ZFP64: variants seen among roughly 807,000 people sequenced by gnomAD.
ZFP64 encodes zinc finger protein 64.
Under a neutral mutation model 51.6 loss-of-function variants are expected in ZFP64, and 14 were observed. That is an observed-to-expected ratio of 0.27 (90% CI 0.18 to 0.42). The LOEUF (loss-of-function observed/expected upper bound fraction) is 0.42, where lower values mean the gene tolerates loss of function less well. Among genes scored for constraint, ZFP64 ranks in the 10% least tolerant of loss-of-function variants. The pLI, the probability that ZFP64 is intolerant of heterozygous loss-of-function variation, is 1.00. For synonymous variants in ZFP64, 375 were observed against 361.4 expected, an observed-to-expected ratio of 1.04 and a Z score of -0.43; for missense variants, 754 against 906.8, an observed-to-expected ratio of 0.83 and a Z score of 2.16.
intron 5 of ZFP64, among the ~76,000 whole-genome samples, chr20:52,101,286 C>T (rs1055916082): frequency 6.6e-6 from 1 of 152,142 alleles, no homozygotes; most frequent in South Asian, 2.1e-4. Context: ...AGTGTAGTTT[C>T]CCAGGCCTTA....
At chr20:52,188,768 C>G (rs1017751612) in intron 1 of ZFP64, among the ~76,000 whole-genome samples, 1 of 151,590 alleles carries the variant, frequency 6.6e-6, no homozygotes, top group African/African-American at 2.4e-5. Flanking sequence ...GTCAGGAGAG[C>G]GAGACCATCC....
intron 5 of ZFP64, among the ~76,000 whole-genome samples, chr20:52,156,405 G>T (rs924712191): frequency 2.6e-5 from 4 of 152,148 alleles, no homozygotes; most frequent in Non-Finnish European, 5.9e-5. Flanking sequence ...TTACACCTCG[G>T]TCATGACCAT....
intron 5 of ZFP64, chr20:52,111,144 C>T (rs926236792): frequency 1.4e-6 from 1 of 705,392 alleles, no homozygotes; most frequent in Non-Finnish European, 2.6e-6. Flanking sequence ...CGCCGGGTTC[C>T]GCGACGGGGA....
In ZFP64 at chr20:52,141,041, C is replaced by T. The variant is rs142693836; in HGVS notation, c.763+19082G>A. Among the ~76,000 whole-genome samples the T allele has an allele frequency of 3.7e-3, 560 of 152,256 alleles. 4 individuals carry two copies. The highest frequency in any genetic ancestry group is 0.013 in the African/African-American group (523 of 41,544). ...GGCTGGATGACAGCACCTCTGTTTA[C>T]GGCATGGTTTACTGAATATTTAAAG... is the stretch of plus-strand genomic sequence containing the variant. On this transcript the variant is annotated intron_variant, in intron 5 of 8. Transcript: ENST00000361387.
At chr20:52,112,094 A>AAC (rs1568952855) in intron 5 of ZFP64, among the ~76,000 whole-genome samples, 1 of 138,282 alleles carries the variant, frequency 7.2e-6, no homozygotes, top group Non-Finnish European at 1.6e-5. Flanking sequence ...AAAAAAAAAA[A>AAC]AAAAAACAAA....
chr20:52,167,199 C>G (rs1370639333), intron 2 of ZFP64, among the ~76,000 whole-genome samples: 2 of 151,754 alleles, frequency 1.3e-5, no homozygotes, highest in Admixed American at 1.3e-4. Context: ...GTGGCGGGCA[C>G]CTGAAATCTC....
chr20:52,106,707 T>C (rs2050276882), intron 5 of ZFP64, among the ~76,000 whole-genome samples: 2 of 152,230 alleles, frequency 1.3e-5, no homozygotes, highest in Admixed American at 1.3e-4. Context: ...CATGTCAGGT[T>C]AAATTTCCGA....
chr20:52,177,570 C>T (rs1321630954), intron 2 of ZFP64, among the ~76,000 whole-genome samples: 2 of 152,062 alleles, frequency 1.3e-5, no homozygotes, highest in Non-Finnish European at 2.9e-5. Context: ...CGCCACCATG[C>T]GGCCATGCGG....
chr20:52,148,591 C>T (rs1449393882), downstream of ZFP64, among the ~76,000 whole-genome samples: 4 of 152,100 alleles, frequency 2.6e-5, no homozygotes, highest in East Asian at 3.9e-4. Flanking sequence ...ATCCCAGCTA[C>T]GTGGGAGGCT....
intron 5 of ZFP64, chr20:52,110,774 G>A: frequency 6.3e-7 from 1 of 1,592,784 alleles, no homozygotes; most frequent in African/African-American, 1.3e-5. Context: ...TCCCGGGAGA[G>A]GTAGAAGACT....
downstream of ZFP64, among the ~76,000 whole-genome samples, chr20:52,147,170 A>G (rs1980568100): frequency 6.6e-6 from 1 of 152,184 alleles, no homozygotes; most frequent in Non-Finnish European, 1.5e-5. Flanking sequence ...TTATTCAGTC[A>G]AATTATGTAG....
Position 52,152,962 on chromosome 20 carries a change from C to T in ZFP64, c.1230G>A (p.Arg410=). 1 of 1,613,808 alleles carries T rather than the reference C, an allele frequency of 6.2e-7. No individual in the cohort carries two copies. The change falls in exon 6 of 6, where the codon AGG becomes AGA. Residue 410 remains arginine, a synonymous_variant. Transcript: ENST00000216923. ...GCTTGGCCACCTGCCGGCTGCTCTG[C>T]CTGCCGGTGTCCTTCCTCTCTAGAG... ...TEALERKDTG[R]QSSRQVAKLD...
chr20:52,151,921 C>T lies in ZFP64; in HGVS notation c.*225G>A. 1 of 1,111,322 alleles carries T rather than the reference C, an allele frequency of 9.0e-7. No individual in the cohort carries two copies. The highest frequency in any genetic ancestry group is 1.2e-6 in the Non-Finnish European group (1 of 828,142). The allele number at this position is 1,111,322 out of a possible 1,614,324, so 68.8% of individuals were successfully genotyped here. A position where few individuals can be genotyped will look rare whatever the true frequency, so the allele number is the denominator to read the frequency against. On this transcript the variant is annotated 3_prime_UTR_variant, in exon 6 of 6. Coordinates refer to ENST00000216923, the MANE Select transcript of ZFP64 (RefSeq NM_018197.3). Reference sequence around the variant, plus strand: ...TCATGATGTCGTACACCTGTGGTCCCAGCTACTCGGAGGGCTGAGGCATGA... The same window carrying T: ...TCATGATGTCGTACACCTGTGGTCCTAGCTACTCGGAGGGCTGAGGCATGA...
intron 5 of ZFP64, among the ~76,000 whole-genome samples, chr20:52,102,867 T>C (rs2079068528): frequency 6.6e-6 from 1 of 152,238 alleles, no homozygotes; most frequent in African/African-American, 2.4e-5. Context: ...TAGTCAATAC[T>C]GTATAAATGC....
At chr20:52,189,268 T>G (rs1984198567) in intron 1 of ZFP64, among the ~76,000 whole-genome samples, 1 of 151,340 alleles carries the variant, frequency 6.6e-6, no homozygotes, top group Non-Finnish European at 1.5e-5. Flanking sequence ...TGGTGGCACG[T>G]GCCAGTAATC....
At chr20:52,180,547 CAAAAAA>C (rs10669415) in intron 2 of ZFP64, among the ~76,000 whole-genome samples, 1 of 87,210 alleles carries the variant, frequency 1.1e-5, no homozygotes, top group Non-Finnish European at 2.1e-5. Context: ...CCAGAAATGG[CAAAAAA>C]AAAAAAAAAA....
In ZFP64 at chr20:52,084,657, A is replaced by C; in HGVS notation, c.1838T>G (p.Leu613Trp). The change falls in exon 9 of 9, where the codon TTG (leucine) becomes TGG (tryptophan). Residue 613 changes from leucine (L) to tryptophan (W), a missense_variant. By Grantham distance (61) the Leu-to-Trp change is moderately conservative. Coordinates refer to the ZFP64 transcript ENST00000361387. ...ACCGCTTTCCGGTGGGAAGGTGACC[A>C]AGTCTGAGTTCTTGTTCTCACTCTG... 8.7e-6 allele frequency: 14 copies of C among 1,614,174 alleles called. No individual in the cohort carries two copies. Among genetic ancestry groups the C allele is most frequent in the Non-Finnish European group, 1.1e-5 (13 of 1,180,034 alleles).
intron 5 of ZFP64, among the ~76,000 whole-genome samples, chr20:52,123,859 A>G (rs1029736046): frequency 6.8e-6 from 1 of 146,902 alleles, no homozygotes; most frequent in African/African-American, 2.6e-5. Context: ...AGAAGTGCTT[A>G]GTAAACTTTT....
At chr20:52,175,934 C>T in intron 2 of ZFP64, 1 of 984,492 alleles carries the variant, frequency 1.0e-6, no homozygotes, top group Non-Finnish European at 1.2e-6. Flanking sequence ...TACGCTGTTC[C>T]CAAACGGCCT....
Sources: allele counts gnomAD v4.1 joint callset (sites outside exome capture counted in the v4.1 genomes callset), GRCh38; gene constraint gnomAD v4.1.1; transcripts MANE v1.5; gene names NCBI Gene and HGNC (gene_info 2026-07-23, HGNC 2026-07-21).